PIEZO2: variants seen among roughly 807,000 people sequenced by gnomAD.
PIEZO2 encodes the protein piezo-type mechanosensitive ion channel component 2.
Under a neutral mutation model 337.3 loss-of-function variants are expected in PIEZO2, and 172 were observed. The observed-to-expected ratio is 0.51, with a 90% CI of 0.45 to 0.58. The LOEUF is 0.58. Ranked by LOEUF, PIEZO2 falls within the 20% of genes least tolerant of loss-of-function variation. The pLI is 0.00. For synonymous variants in PIEZO2, 1,251 were observed against 1,228.5 expected, an observed-to-expected ratio of 1.02 and a Z score of -0.38; for missense variants, 3,028 against 3,391.3, an observed-to-expected ratio of 0.89 and a Z score of 2.66.
rs543517207 is a variant in PIEZO2 at position 11,112,327 on chromosome 18, G to C, written c.64+36198C>G. On this transcript the variant is annotated intron_variant, in intron 1 of 55. Coordinates refer to ENST00000674853, the MANE Select transcript of PIEZO2 (RefSeq NM_001378183.1). This position sits in a 1 kb window ranked among gnomAD's most constrained non-coding sequence, Gnocchi z 4.3. Reference sequence around the variant, plus strand: ...GAGTTTAAAATAAAAACAGTTATTTGAGATATTCTGATCCACCCATTTAAG... The same window carrying C: ...GAGTTTAAAATAAAAACAGTTATTTCAGATATTCTGATCCACCCATTTAAG... Among the ~76,000 whole-genome samples the C allele has an allele frequency of 5.9e-5, 9 of 152,172 alleles. No homozygotes were observed. Among genetic ancestry groups the C allele is most frequent in the Non-Finnish European group, 1.3e-4 (9 of 68,030 alleles).
rs772436073 is a variant in PIEZO2, at chr18:10,773,588, A to G, written c.2609T>C (p.Met870Thr). 2.0e-6 allele frequency: 3 copies of G among 1,537,344 alleles called. No homozygotes were observed. The highest frequency in any genetic ancestry group is 3.9e-5 in the Admixed American group (2 of 50,996). ...PEGSLPDLTM[M>T]HLTASLEKPE... is the part of the protein sequence containing the mutation. ...CTTCTCCAGGCTGGCAGTCAGATGC[A>G]TCATGGTGAGGTCCGGGAGGCTTCC... Residue 870 changes from methionine (M) to threonine (T), a missense_variant, in exon 20 of 56, where the codon ATG becomes ACG. By Grantham distance (81) the Met-to-Thr change is moderately conservative (BLOSUM62 -1). Coordinates refer to ENST00000674853, the MANE Select transcript of PIEZO2 (RefSeq NM_001378183.1). The surrounding 1 kb of genome is among the most constrained non-coding windows in gnomAD (Gnocchi z 5.3).
chr18:10,943,232 C>T lies in PIEZO2; in HGVS notation c.287-32004G>A, dbSNP rs1197786265. The stretch of plus-strand genomic sequence containing the variant: ...CTGTGAGAAGAGGGCCACTGCCATC[C>T]TGTAGACCCCAGAATGGTAGATCCA... On this transcript the variant is annotated intron_variant, in intron 3 of 55. Coordinates refer to ENST00000674853, the MANE Select transcript of PIEZO2 (RefSeq NM_001378183.1). This position sits in a 1 kb window ranked among gnomAD's most constrained non-coding sequence, Gnocchi z 4.5. Among the ~76,000 whole-genome samples, 1 of 152,192 alleles carries T rather than the reference C, an allele frequency of 6.6e-6. No homozygotes were observed. Among genetic ancestry groups the T allele is most frequent in the Non-Finnish European group, 1.5e-5 (1 of 68,034 alleles).
chr18:11,135,469 T>A (rs1028299653), intron 1 of PIEZO2, among the ~76,000 whole-genome samples: 1 of 152,192 alleles, frequency 6.6e-6, no homozygotes, highest in African/African-American at 2.4e-5. Context: ...ACACTTCAAA[T>A]ATGCTCTTTT....
intron 2 of PIEZO2, among the ~76,000 whole-genome samples, chr18:11,008,408 A>T (rs2035791010): frequency 6.6e-6 from 1 of 152,204 alleles, no homozygotes; most frequent in South Asian, 2.1e-4. Flanking sequence ...TCACACTGTC[A>T]GCTGCTAGTT....
chr18:10,891,451 G>A (rs2042752928), intron 4 of PIEZO2, among the ~76,000 whole-genome samples: 1 of 152,042 alleles, frequency 6.6e-6, no homozygotes, highest in Admixed American at 6.6e-5. Flanking sequence ...CAAATCTCTT[G>A]GAGCCAAATG....
At chr18:11,115,927 A>G (rs1409504893) in intron 1 of PIEZO2, among the ~76,000 whole-genome samples, 2 of 152,356 alleles carry the variant, frequency 1.3e-5, no homozygotes, top group East Asian at 3.9e-4. Flanking sequence ...TAAAATATAA[A>G]TAACATAAAA....
chr18:10,701,600 T>C (rs985965661), intron 43 of PIEZO2, among the ~76,000 whole-genome samples: 4 of 152,268 alleles, frequency 2.6e-5, no homozygotes, highest in African/African-American at 9.6e-5. Context: ...ACACACATTG[T>C]GGCTGTCTGA....
intron 3 of PIEZO2, among the ~76,000 whole-genome samples, chr18:10,911,804 G>A (rs550582188): frequency 1.4e-5 from 2 of 143,770 alleles, no homozygotes; most frequent in Non-Finnish European, 3.1e-5. Context: ...AAATATGCAT[G>A]TGACAGAACT....
rs8096902 is a variant in PIEZO2, at chr18:10,766,009, C to G, written c.2947-2911G>C. Among the ~76,000 whole-genome samples, 3 of 152,194 alleles carry G rather than the reference C, an allele frequency of 2.0e-5. No homozygotes were observed. Among genetic ancestry groups the G allele is most frequent in the Admixed American group, 6.5e-5 (1 of 15,286 alleles). ...GTCAAATCAGAGGAGGACTAAAGAG[C>G]CTCTGTGCGGTGAATATTTTTATTT... On this transcript the variant is annotated intron_variant, in intron 21 of 55. Transcript: ENST00000674853. This position sits in a 1 kb window ranked among gnomAD's most constrained non-coding sequence, Gnocchi z 6.1.
rs1297958686 is a variant in PIEZO2 at position 11,001,503 on chromosome 18, A to G, written c.161-21843T>C. Among the ~76,000 whole-genome samples, 1 of 152,148 alleles carries G rather than the reference A, an allele frequency of 6.6e-6. No individual in the cohort carries two copies. Among genetic ancestry groups the G allele is most frequent in the African/African-American group, 2.4e-5 (1 of 41,438 alleles). The stretch of plus-strand genomic sequence containing the variant: ...AAAATCACGACTGTGATTATCCTCC[A>G]GTCCCCTATGTAGCTGTATTTTGTT... On this transcript the variant is annotated intron_variant, in intron 2 of 55. Transcript: ENST00000674853. This position sits in a 1 kb window ranked among gnomAD's most constrained non-coding sequence, Gnocchi z 5.3.
Position 10,694,693 on chromosome 18 carries a change from G to A in PIEZO2, c.7190+1381C>T, listed in dbSNP as rs548426170. 9.9e-5 allele frequency among the ~76,000 whole-genome samples: 15 copies of A among 152,212 alleles called. No individual in the cohort carries two copies. In the South Asian group the frequency reaches 1.2e-3, roughly 13 times the overall value. ...AAAAAATAAAAATAAAAAATAGTCA[G>A]GAGCGGTGATGTGCACCTGTATCCC... is the stretch of plus-strand genomic sequence containing the variant. On this transcript the variant is annotated intron_variant, in intron 47 of 55. Coordinates refer to ENST00000674853, the MANE Select transcript of PIEZO2 (RefSeq NM_001378183.1).
In PIEZO2 at chr18:10,900,607, T is replaced by A. The variant is rs545954982; in HGVS notation, c.329+10579A>T. Among the ~76,000 whole-genome samples the A allele has an allele frequency of 1.1e-4, 17 of 152,338 alleles. No individual in the cohort carries two copies. The South Asian group carries it at 3.5e-3, about 32-fold the overall frequency. ...AGATTAACCATTTAGTTTGTCTTTG[T>A]CTTGGCACGTCAGTTTTCCCTATCA... On this transcript the variant is annotated intron_variant, in intron 4 of 55. Transcript: ENST00000674853.
chr18:10,921,426 G>C (rs1476777123), intron 3 of PIEZO2, among the ~76,000 whole-genome samples: 1 of 152,080 alleles, frequency 6.6e-6, no homozygotes, highest in Non-Finnish European at 1.5e-5. Flanking sequence ...TGTCTTTACT[G>C]CAGTCTCTAA....
At chr18:10,964,560 G>A (rs764320720) in intron 3 of PIEZO2, among the ~76,000 whole-genome samples, 8 of 152,070 alleles carry the variant, frequency 5.3e-5, no homozygotes, top group African/African-American at 1.7e-4. Flanking sequence ...TAGTGAATAC[G>A]GTATACTTTT....
At chr18:10,951,577 A>C (rs1598738141) in intron 3 of PIEZO2, among the ~76,000 whole-genome samples, 1 of 152,130 alleles carries the variant, frequency 6.6e-6, no homozygotes, top group Non-Finnish European at 1.5e-5. Context: ...GCTCCCTTCC[A>C]CCTATAGGTT....
chr18:11,076,420 A>G (rs1458544753), intron 1 of PIEZO2, among the ~76,000 whole-genome samples: 1 of 152,200 alleles, frequency 6.6e-6, no homozygotes, highest in Non-Finnish European at 1.5e-5. Flanking sequence ...CAATCTAAGG[A>G]AAAAAATCCA....
At chr18:11,066,661 A>G (rs1451409526) in intron 1 of PIEZO2, among the ~76,000 whole-genome samples, 1 of 152,184 alleles carries the variant, frequency 6.6e-6, no homozygotes, top group African/African-American at 2.4e-5. Context: ...GTGCAATGGC[A>G]TGATCTCGGC....
chr18:10,684,406 C>G (rs557107366), intron 49 of PIEZO2, among the ~76,000 whole-genome samples: 9 of 150,052 alleles, frequency 6.0e-5, no homozygotes, highest in Non-Finnish European at 8.8e-5. Flanking sequence ...GCCTCGTGAT[C>G]TGCCCGCCTC....
rs1032628989 is a variant in PIEZO2 at position 10,837,365 on chromosome 18, A to T, written c.917+17988T>A. On this transcript the variant is annotated intron_variant, in intron 7 of 55. Coordinates refer to ENST00000674853, the MANE Select transcript of PIEZO2 (RefSeq NM_001378183.1). This position sits in a 1 kb window ranked among gnomAD's most constrained non-coding sequence, Gnocchi z 4.4. ...GCATCTTCTGAGAATACCTTTTCCA[A>T]CTGCAGCCATCTTGCCTCTCTCACC... is the stretch of plus-strand genomic sequence containing the variant. Among the ~76,000 whole-genome samples, 1 of 152,188 alleles carries T rather than the reference A, an allele frequency of 6.6e-6. No homozygotes were observed. Among genetic ancestry groups the T allele is most frequent in the Non-Finnish European group, 1.5e-5 (1 of 68,024 alleles).
Sources: gnomAD v4.1 joint callset for allele counts (sites outside exome capture counted in the v4.1 genomes callset) on GRCh38, gnomAD v4.1.1 for gene constraint, Gnocchi (gnomAD v3.1) non-coding constraint, MANE v1.5 for transcripts, NCBI Gene and HGNC (gene_info 2026-07-23, HGNC 2026-07-21) for gene names.